The following PIPOX variants were observed in gnomAD, a reference collection of about 807,000 sequenced individuals.
PIPOX encodes pipecolic acid and sarcosine oxidase.
A neutral mutation model predicts 47.9 loss-of-function variants in PIPOX; 45 were observed. That is an observed-to-expected ratio of 0.94 (90% CI 0.74 to 1.20). PIPOX has a LOEUF of 1.20. Ranked by LOEUF, PIPOX falls within the 50% of genes most tolerant of loss-of-function variation. The pLI, the probability that PIPOX is intolerant of heterozygous loss-of-function variation, is 0.00. For synonymous variants in PIPOX, 165 were observed against 191.3 expected (o/e 0.86, Z 1.13); for missense variants, 458 against 498.4 (o/e 0.92, Z 0.77).
At chr17:29,051,532 G>C (rs2065806297) in intron 2 of PIPOX, among the ~76,000 whole-genome samples, 1 of 152,232 alleles carries the variant, frequency 6.6e-6, no homozygotes, top group Non-Finnish European at 1.5e-5. Context: ...CAGTGCAGCA[G>C]CTGCAATGGA....
intron 2 of PIPOX, among the ~76,000 whole-genome samples, chr17:29,050,143 G>A (rs2065800473): frequency 6.6e-6 from 1 of 152,146 alleles, no homozygotes; most frequent in South Asian, 2.1e-4. Flanking sequence ...AAGGAAAGAA[G>A]GAGGAAAGAA....
Position 29,046,806 on chromosome 17 carries a change from C to T in PIPOX, c.263+1799C>T, listed in dbSNP as rs148103309. 5 of 957,036 alleles carry T rather than the reference C, an allele frequency of 5.2e-6. No individual in the cohort carries two copies. The African/African-American group carries it at 8.8e-5, about 17-fold the overall frequency. The allele number at this position is 957,036 out of a possible 1,614,324, so 59.3% of individuals were successfully genotyped here. On this transcript the variant is annotated intron_variant, in intron 2 of 7. Transcript: ENST00000323372. ...ACCTGGCTCTAAATCTCAGCTCTGA[C>T]ACGCTCAGCTGTGTGGTTTGGAACG...
chr17:29,053,508 G>C lies in PIPOX; in HGVS notation c.573G>C (p.Arg191Ser), dbSNP rs367848147. 1.5e-5 allele frequency: 25 copies of C among 1,614,090 alleles called. No homozygotes were observed. The highest frequency in any genetic ancestry group is 2.0e-5 in the Non-Finnish European group (24 of 1,179,956). Reference protein sequence around the residue: ...GLLVTVKTTSRSYQAKSLVIT... With the variant: ...GLLVTVKTTSSSYQAKSLVIT... ...TGGTCACGGTGAAAACCACCTCCAGGAGCTACCAAGCTAAGAGCTTGGTCA... is the reference window on the plus strand; with the variant it reads ...TGGTCACGGTGAAAACCACCTCCAGCAGCTACCAAGCTAAGAGCTTGGTCA... Residue 191 changes from arginine (R) to serine (S), a missense_variant, in exon 4 of 8, where the codon AGG (arginine) becomes AGC (serine). Coordinates refer to ENST00000323372, the MANE Select transcript of PIPOX (RefSeq NM_016518.3).
intron 2 of PIPOX, among the ~76,000 whole-genome samples, chr17:29,050,717 G>A (rs2065802648): frequency 6.6e-6 from 1 of 152,106 alleles, no homozygotes; most frequent in Admixed American, 6.5e-5. Context: ...TGTGCCTGTA[G>A]CCCTAGAAAC....
At position 29,054,913 on chromosome 17, in the gene PIPOX, CA is replaced by C; in HGVS notation, c.808-149del. On this transcript the variant is annotated intron_variant, in intron 5 of 7. Transcript: ENST00000323372. The stretch of plus-strand genomic sequence containing the variant: ...GTGGTTGCAGGGACCAACAGCTAAG[CA>C]GCCTCAGGTGACAGCCCACAGCACC... 2.6e-6 allele frequency: 3 copies of C among 1,140,140 alleles called. No homozygotes were observed. In the South Asian group the frequency reaches 4.3e-5, roughly 16 times the overall value. 70.6% of individuals were successfully genotyped at this position (1,140,140 alleles called of 1,614,324 possible). A position where few individuals can be genotyped will look rare whatever the true frequency, so the allele number is the denominator to read the frequency against.
chr17:29,044,728 C>T (rs1230341331), intron 1 of PIPOX, 131 bp from the exon 2 acceptor site: 3 of 944,880 alleles, frequency 3.2e-6, no homozygotes. Flanking sequence ...CATAATCCTT[C>T]CCCAGATTGT....
intron 2 of PIPOX, among the ~76,000 whole-genome samples, chr17:29,050,514 T>C (rs2065801839): frequency 2.0e-5 from 3 of 152,116 alleles, no homozygotes; most frequent in Admixed American, 1.3e-4. Flanking sequence ...GGCAACATAC[T>C]GTGTGACTCT....
rs989760646 is a variant in PIPOX, at chr17:29,044,711, T to C, written c.115-148T>C. The C allele has an allele frequency of 5.1e-6, 4 of 784,276 alleles. No homozygotes were observed. In the African/African-American group the frequency reaches 7.0e-5, roughly 14 times the overall value. 48.6% of individuals were successfully genotyped at this position (784,276 alleles called of 1,614,324 possible). On this transcript the variant is annotated intron_variant, in intron 1 of 7. Coordinates refer to ENST00000323372, the MANE Select transcript of PIPOX (RefSeq NM_016518.3). ...TTGAATTCCTGGGCTCAAATTATCTTCCTGTGCATAATCCTTCCCCAGATT... is the reference window on the plus strand; with the variant it reads ...TTGAATTCCTGGGCTCAAATTATCTCCCTGTGCATAATCCTTCCCCAGATT...
At position 29,055,195 on chromosome 17, in the gene PIPOX, G is replaced by A. The variant is rs1369978400; in HGVS notation, c.940G>A (p.Ala314Thr). The A allele has an allele frequency of 1.2e-6, 2 of 1,614,088 alleles. No homozygotes were observed. The highest frequency in any genetic ancestry group is 2.7e-5 in the African/African-American group (2 of 74,926). ...CTTACCTGATCTGAAGCCCGAGCCT[G>A]CTGTCATTGAGAGCTGCATGTACAC... The part of the protein sequence containing the change: ...DHLPDLKPEP[A>T]VIESCMYTNT... The change falls in exon 6 of 8, where the codon GCT becomes ACT. Residue 314 changes from alanine to threonine, a missense_variant. Ala to Thr is a moderately conservative substitution (Grantham distance 58). Transcript: ENST00000323372.
chr17:29,053,398 C>G lies in PIPOX; in HGVS notation c.478-15C>G, dbSNP rs779461687. ...TACAGAACTAATTCACCTTTCCCTG[C>G]TCCTGCCCTTTCAGGATGCAATTCG... is the stretch of plus-strand genomic sequence containing the variant. On this transcript the variant is annotated splice_polypyrimidine_tract_variant and intron_variant, in intron 3 of 7. Coordinates refer to ENST00000323372, the MANE Select transcript of PIPOX (RefSeq NM_016518.3). 1 of 1,605,026 alleles carries G rather than the reference C, an allele frequency of 6.2e-7. No individual in the cohort carries two copies. Among genetic ancestry groups the G allele is most frequent in the Non-Finnish European group, 8.5e-7 (1 of 1,173,852 alleles).
rs763554618 is a variant in PIPOX, at chr17:29,054,694, G to A, written c.807+3G>A. 5 of 1,612,948 alleles carry A rather than the reference G, an allele frequency of 3.1e-6. No homozygotes were observed. Among genetic ancestry groups the A allele is most frequent in the South Asian group, 1.1e-5 (1 of 91,036 alleles). Reference sequence around the variant, plus strand: ...GAGAGTACCCAGGGCTGATGAAGGTGAGCGGAAAGACCGAGATAAGGCAGG... The same window carrying A: ...GAGAGTACCCAGGGCTGATGAAGGTAAGCGGAAAGACCGAGATAAGGCAGG... On this transcript the variant is annotated splice_donor_region_variant and intron_variant, in intron 5 of 7. Coordinates refer to ENST00000323372, the MANE Select transcript of PIPOX (RefSeq NM_016518.3).
In PIPOX at chr17:29,054,182, CAATAAAATAA is replaced by C. The variant is rs368162265; in HGVS notation, c.661-345_661-336del. The stretch of plus-strand genomic sequence containing the variant: ...TGGGTGACAGAGCAAGACCCTGTCT[CAATAAAATAA>C]AATAAAATAAAATAAAAATAAAGCC... On this transcript the variant is annotated intron_variant, in intron 4 of 7. Coordinates refer to ENST00000323372, the MANE Select transcript of PIPOX (RefSeq NM_016518.3). Among the ~76,000 whole-genome samples, 8 of 151,584 alleles carry C rather than the reference CAATAAAATAA, an allele frequency of 5.3e-5. No individual in the cohort carries two copies. The South Asian group carries it at 1.7e-3, about 32-fold the overall frequency.
intron 2 of PIPOX, among the ~76,000 whole-genome samples, chr17:29,052,440 G>T (rs1380238072): frequency 2.0e-5 from 3 of 152,190 alleles, no homozygotes; most frequent in East Asian, 3.9e-4. Context: ...GAGAATACTG[G>T]GATTCTACCG....
At chr17:29,052,486 T>C (rs1210149166) in intron 2 of PIPOX, among the ~76,000 whole-genome samples, 2 of 152,234 alleles carry the variant, frequency 1.3e-5, no homozygotes, top group East Asian at 1.9e-4. Context: ...TCTCTGAACA[T>C]GAGGCCATGA....
intron 2 of PIPOX, among the ~76,000 whole-genome samples, chr17:29,052,600 T>A (rs1489332182): frequency 2.0e-5 from 3 of 152,208 alleles, no homozygotes; most frequent in Non-Finnish European, 4.4e-5. Flanking sequence ...TGCTCTCTCA[T>A]CCAGGCTGGA....
At position 29,043,807 on chromosome 17, in the gene PIPOX, G is replaced by GT. The variant is rs775727050; in HGVS notation, c.114+480dup. 4.7e-3 allele frequency among the ~76,000 whole-genome samples: 692 copies of GT among 147,340 alleles called. 3 individuals carry two copies. The highest frequency in any genetic ancestry group is 0.024 in the East Asian group (121 of 5,056). On this transcript the variant is annotated intron_variant, in intron 1 of 7. Transcript: ENST00000323372. The stretch of plus-strand genomic sequence containing the variant: ...ACACCAGAACCCAGCAGAAGCTTCT[G>GT]TTTTTTTTTTTTATTTTTTATTTTT...
intron 1 of PIPOX, among the ~76,000 whole-genome samples, 174 bp from the exon 2 acceptor site, chr17:29,044,682 GGTC>G (rs1328310549): frequency 6.6e-6 from 1 of 152,114 alleles, no homozygotes; most frequent in African/African-American, 2.4e-5. Flanking sequence ...TGCCTAAGCT[GGTC>G]TTGAATTCCT....
chr17:29,044,752 A>G, intron 1 of PIPOX, 107 bp from the exon 2 acceptor site: 1 of 1,158,466 alleles, frequency 8.6e-7, no homozygotes, highest in Non-Finnish European at 1.2e-6. Flanking sequence ...GAAATATTTG[A>G]AGGATAAATG....
chr17:29,054,917 C>A, intron 5 of PIPOX, 146 bp from the exon 6 acceptor site: 1 of 1,176,626 alleles, frequency 8.5e-7, no homozygotes, highest in Non-Finnish European at 1.2e-6. Context: ...GCTAAGCAGC[C>A]TCAGGTGACA....
Sources: gnomAD v4.1 joint callset for allele counts (sites outside exome capture counted in the v4.1 genomes callset) on GRCh38, gnomAD v4.1.1 for gene constraint, MANE v1.5 for transcripts, NCBI Gene and HGNC (gene_info 2026-07-23, HGNC 2026-07-21) for gene names.